The following ARHGAP17 variants were observed in gnomAD, a reference collection of about 807,000 sequenced individuals.
The protein encoded by ARHGAP17 is rho GTPase-activating protein 17.
Under a neutral mutation model 99.5 loss-of-function variants are expected in ARHGAP17, and 57 were observed. The observed-to-expected ratio is 0.57, with a 90% confidence interval of 0.46 to 0.71. ARHGAP17 has a LOEUF of 0.71. Ranked by LOEUF, ARHGAP17 falls within the 30% of genes least tolerant of loss-of-function variation. The pLI, the probability that ARHGAP17 is intolerant of heterozygous loss-of-function variation, is 0.00. For synonymous variants in ARHGAP17, 417 were observed against 429.6 expected, an observed-to-expected ratio of 0.97 and a Z score of 0.36; for missense variants, 1,000 against 1,122.4, an observed-to-expected ratio of 0.89 and a Z score of 1.56.
intron 11 of ARHGAP17, 85 bp downstream of exon 11, chr16:24,952,846 G>T: frequency 7.8e-7 from 1 of 1,275,854 alleles, no homozygotes; most frequent in Non-Finnish European, 1.1e-6. Context: ...AACTGAAATT[G>T]GATTTTAACT....
intron 1 of ARHGAP17, among the ~76,000 whole-genome samples, chr16:25,012,274 C>G (rs913323424): frequency 7.9e-5 from 12 of 152,184 alleles, no homozygotes; most frequent in Non-Finnish European, 1.6e-4. Flanking sequence ...AATAGACTTA[C>G]CCACCCATCG....
intron 7 of ARHGAP17, among the ~76,000 whole-genome samples, chr16:24,961,517 AATTTTTTTTTTTT>A: frequency 2.3e-5 from 3 of 130,194 alleles, no homozygotes; most frequent in African/African-American, 6.0e-5. Flanking sequence ...AAAAAAAAAA[AATTTTTTTTTTTT>A]TTTTTTTTTT....
At chr16:24,929,337 AAAG>A (rs1336237638) in intron 19 of ARHGAP17, among the ~76,000 whole-genome samples, 1 of 152,102 alleles carries the variant, frequency 6.6e-6, no homozygotes, top group Non-Finnish European at 1.5e-5. Flanking sequence ...GGCCCCTAAG[AAAG>A]AAGATACTCT....
At chr16:24,963,832 T>A (rs2052088771) in intron 7 of ARHGAP17, among the ~76,000 whole-genome samples, 1 of 152,244 alleles carries the variant, frequency 6.6e-6, no homozygotes, top group Admixed American at 6.5e-5. Flanking sequence ...ATTTCACTGA[T>A]CTATTTTAAT....
chr16:24,959,363 T>C (rs944172028), intron 9 of ARHGAP17, among the ~76,000 whole-genome samples: 2 of 152,202 alleles, frequency 1.3e-5, no homozygotes, highest in Non-Finnish European at 2.9e-5. Context: ...AAAAGGATCA[T>C]TCAATGCTGG....
intron 6 of ARHGAP17, among the ~76,000 whole-genome samples, chr16:24,967,658 T>C (rs761096456): frequency 6.6e-6 from 1 of 151,874 alleles, no homozygotes; most frequent in Non-Finnish European, 1.5e-5. Flanking sequence ...AGCTGTGGCA[T>C]GTGCCTGTAG....
At chr16:24,966,014 A>G (rs1249199149) in intron 6 of ARHGAP17, among the ~76,000 whole-genome samples, 2 of 152,252 alleles carry the variant, frequency 1.3e-5, no homozygotes, top group Non-Finnish European at 2.9e-5. Flanking sequence ...ATCAGTATTA[A>G]AATCACCTAT....
intron 1 of ARHGAP17, among the ~76,000 whole-genome samples, chr16:24,989,912 T>C (rs1266099527): frequency 6.6e-6 from 1 of 152,230 alleles, no homozygotes; most frequent in East Asian, 1.9e-4. Context: ...TAAATAATTA[T>C]AGCTAGATGG....
intron 1 of ARHGAP17, among the ~76,000 whole-genome samples, chr16:25,010,867 C>T (rs1292556023): frequency 6.6e-6 from 1 of 152,220 alleles, no homozygotes; most frequent in East Asian, 1.9e-4. Context: ...GCCCTCTAGG[C>T]ATTTGGGTTT....
intron 3 of ARHGAP17, among the ~76,000 whole-genome samples, chr16:24,974,169 G>A (rs572784876): frequency 2.0e-5 from 3 of 152,340 alleles, no homozygotes; most frequent in Non-Finnish European, 4.4e-5. Flanking sequence ...GGAGGCTCAC[G>A]CCTATAACCC....
At chr16:24,990,508 A>G (rs1473051204) in intron 1 of ARHGAP17, among the ~76,000 whole-genome samples, 5 of 151,874 alleles carry the variant, frequency 3.3e-5, no homozygotes, top group Non-Finnish European at 5.9e-5. Flanking sequence ...AATTAAAACA[A>G]TTAGCTGGGC....
chr16:24,958,575 C>A (rs562120682), intron 9 of ARHGAP17, among the ~76,000 whole-genome samples: 16 of 152,306 alleles, frequency 1.1e-4, no homozygotes, highest in African/African-American at 3.4e-4. Context: ...AGAAACACTG[C>A]CCCTGAGAAT....
At chr16:25,009,892 C>T (rs2141535930) in intron 1 of ARHGAP17, among the ~76,000 whole-genome samples, 1 of 152,224 alleles carries the variant, frequency 6.6e-6, no homozygotes, top group Admixed American at 6.5e-5. Context: ...AGCCCAGCAG[C>T]TTCATAAGCA....
At chr16:24,977,949 A>C (rs1422000333) in intron 2 of ARHGAP17, among the ~76,000 whole-genome samples, 1 of 152,206 alleles carries the variant, frequency 6.6e-6, no homozygotes, top group Non-Finnish European at 1.5e-5. Flanking sequence ...ATAAATCAAC[A>C]AATTCAAAAC....
rs141383033 is a variant in ARHGAP17, at chr16:24,919,474, T to C, written c.*656A>G. On this transcript the variant is annotated 3_prime_UTR_variant, in exon 20 of 20. Coordinates refer to ENST00000289968, the MANE Select transcript of ARHGAP17 (RefSeq NM_001006634.3). ...CGGTCCTTATCAAGTAGCAATTACA[T>C]TGTTTAAAAAAAAAAAAAAGAACAG... The C allele has an allele frequency of 3.3e-5, 5 of 151,654 alleles. No individual in the cohort carries two copies. The highest frequency in any genetic ancestry group is 1.2e-4 in the African/African-American group (5 of 41,014). 9.4% of individuals were successfully genotyped at this position (151,654 alleles called of 1,614,324 possible).
intron 1 of ARHGAP17, among the ~76,000 whole-genome samples, chr16:24,998,263 G>A (rs2053256699): frequency 1.3e-5 from 2 of 152,032 alleles, no homozygotes; most frequent in Admixed American, 1.3e-4. Context: ...CCAGAAGGAA[G>A]GGGAGGGCTG....
intron 7 of ARHGAP17, among the ~76,000 whole-genome samples, chr16:24,962,479 G>C (rs1392371750): frequency 2.0e-5 from 3 of 152,170 alleles, no homozygotes; most frequent in Non-Finnish European, 2.9e-5. Flanking sequence ...ACAAAACATA[G>C]GCCTGCTTTC....
rs114531545 is a variant in ARHGAP17 at position 24,973,578 on chromosome 16, C to T, written c.199-2998G>A. The stretch of plus-strand genomic sequence containing the variant: ...TTGCCCCAGCTGCCTGGAATATTCC[C>T]ACCACCTGCCACTAATTTCCCTCCT... On this transcript the variant is annotated intron_variant, in intron 3 of 19. Coordinates refer to ENST00000289968, the MANE Select transcript of ARHGAP17 (RefSeq NM_001006634.3). Among the ~76,000 whole-genome samples the T allele has an allele frequency of 4.0e-3, 613 of 152,316 alleles. 3 individuals carry two copies. The highest frequency in any genetic ancestry group is 0.014 in the African/African-American group (580 of 41,560).
rs145900042 is a variant in ARHGAP17, at chr16:24,931,370, C to T, written c.1929G>A (p.Pro643=). 1.2e-5 allele frequency: 18 copies of T among 1,506,306 alleles called. No individual in the cohort carries two copies. Among genetic ancestry groups the T allele is most frequent in the Middle Eastern group, 1.8e-4 (1 of 5,428 alleles). The allele number at this position is 1,506,306 out of a possible 1,614,324, so 93.3% of individuals were successfully genotyped here. A position where few individuals can be genotyped will look rare whatever the true frequency, so the allele number is the denominator to read the frequency against. Reference sequence around the variant, plus strand: ...CGGGGTGGCCAGGAGGTGGGTTGCCCGGTTTCGGGGGTGCTGGAGCGGGTT... The same window carrying T: ...CGGGGTGGCCAGGAGGTGGGTTGCCTGGTTTCGGGGGTGCTGGAGCGGGTT... ...VKKPAPAPPK[P]GNPPPGHPGG... The change falls in exon 19 of 20, where the codon CCG becomes CCA. Residue 643 remains proline (P), a synonymous_variant. Coordinates refer to ENST00000289968, the MANE Select transcript of ARHGAP17 (RefSeq NM_001006634.3).
Sources: gnomAD v4.1 joint callset for allele counts (sites outside exome capture counted in the v4.1 genomes callset) on GRCh38, gnomAD v4.1.1 for gene constraint, MANE v1.5 for transcripts, NCBI Gene and HGNC (gene_info 2026-07-23, HGNC 2026-07-21) for gene names.